The following PDE1C variants were observed in gnomAD, a reference collection of about 807,000 sequenced individuals.
PDE1C encodes dual specificity calcium/calmodulin-dependent 3',5'-cyclic nucleotide phosphodiesterase 1C.
In PDE1C, 62 loss-of-function variants were observed where a neutral mutation model predicts 93.1. The ratio of observed to expected loss-of-function variants is 0.67; its 90% confidence interval spans 0.54 to 0.82. The LOEUF is 0.82. Ranked by LOEUF, PDE1C falls within the 40% of genes least tolerant of loss-of-function variation. The probability of loss-of-function intolerance (pLI) is 0.00; values close to 1 mark genes in which losing one functional copy is unlikely to be tolerated. For missense variants in PDE1C, 742 were observed against 884.6 expected (o/e 0.84, Z 2.04); for synonymous variants, 325 against 310.1 (o/e 1.05, Z -0.50).
intron 16 of PDE1C, among the ~76,000 whole-genome samples, chr7:31,798,934 T>A (rs1445107805): frequency 6.6e-6 from 1 of 151,734 alleles, no homozygotes; most frequent in East Asian, 1.9e-4. Flanking sequence ...GGGCAGTTCT[T>A]TATTCTGGCA....
intron 1 of PDE1C, among the ~76,000 whole-genome samples, chr7:32,332,261 C>T (rs1347057609): frequency 1.3e-5 from 2 of 151,844 alleles, no homozygotes; most frequent in East Asian, 3.9e-4. Context: ...AATCAATTGC[C>T]AATAAACATA....
At chr7:32,389,725 C>G (rs1455659380) in intron 1 of PDE1C, among the ~76,000 whole-genome samples, 1 of 152,220 alleles carries the variant, frequency 6.6e-6, no homozygotes, top group African/African-American at 2.4e-5. Context: ...ATAATAGCAT[C>G]TGTTAAGTAA....
chr7:32,255,855 C>T (rs543076631), intron 1 of PDE1C, among the ~76,000 whole-genome samples: 16 of 152,258 alleles, frequency 1.1e-4, no homozygotes, highest in African/African-American at 3.6e-4. Flanking sequence ...GATACTTGTG[C>T]AGATACAGAA....
the PDE1C span, among the ~76,000 whole-genome samples, chr7:31,620,210 C>A: frequency 6.6e-6 from 1 of 152,148 alleles, no homozygotes; most frequent in Non-Finnish European, 1.5e-5. Context: ...CAGCAGTAAC[C>A]TCTTCAGACT....
intron 3 of PDE1C, among the ~76,000 whole-genome samples, chr7:32,158,022 T>C (rs1250208729): frequency 1.3e-5 from 2 of 149,140 alleles, no homozygotes; most frequent in South Asian, 2.2e-4. Flanking sequence ...TTTGAGTAGA[T>C]GAACTTAAAA....
intron 2 of PDE1C, among the ~76,000 whole-genome samples, chr7:31,889,804 T>C (rs1358274446): frequency 6.6e-6 from 1 of 152,238 alleles, no homozygotes; most frequent in Non-Finnish European, 1.5e-5. Flanking sequence ...GTTAAAGTTT[T>C]AATCCATTTT....
At chr7:32,368,382 C>G (rs1000404645) in intron 1 of PDE1C, among the ~76,000 whole-genome samples, 1 of 151,804 alleles carries the variant, frequency 6.6e-6, no homozygotes, top group African/African-American at 2.4e-5. Context: ...AAAAAGAAAT[C>G]GAGAAGACGA....
intron 2 of PDE1C, among the ~76,000 whole-genome samples, chr7:31,971,931 C>A (rs188206063): frequency 6.6e-6 from 1 of 152,340 alleles, no homozygotes; most frequent in Non-Finnish European, 1.5e-5. Context: ...CCCACTGTAA[C>A]TAGTCTTGGG....
rs143024287 is a variant in PDE1C at position 32,333,153 on chromosome 7, A to G, written c.310+94669T>C. 2.0e-5 allele frequency among the ~76,000 whole-genome samples: 3 copies of G among 152,372 alleles called. No homozygotes were observed. In the East Asian group the frequency reaches 5.8e-4, roughly 29 times the overall value. On this transcript the variant is annotated intron_variant, in intron 1 of 1. Coordinates refer to the PDE1C transcript ENST00000672256. ...GTCAAAGTAAACCAAGGTCATAGCC[A>G]GAGAGTCAGTGCCAAGCAAGTTAAA...
upstream of PDE1C, among the ~76,000 whole-genome samples, chr7:32,303,921 C>A (rs935885737): frequency 2.0e-5 from 3 of 152,106 alleles, no homozygotes; most frequent in African/African-American, 4.8e-5. Flanking sequence ...AAATTAAATT[C>A]TTGTTTTGCA....
At chr7:31,670,891 AC>A in the PDE1C span, among the ~76,000 whole-genome samples, 2 of 152,048 alleles carry the variant, frequency 1.3e-5, no homozygotes, top group African/African-American at 4.8e-5. Flanking sequence ...GAGGTCGGAG[AC>A]TATGGTTGAA....
chr7:31,970,561 T>C (rs536682966), intron 2 of PDE1C, among the ~76,000 whole-genome samples: 1 of 152,348 alleles, frequency 6.6e-6, no homozygotes, highest in African/African-American at 2.4e-5. Context: ...TAAGAATTTA[T>C]TGTAGTTTCA....
intron 3 of PDE1C, among the ~76,000 whole-genome samples, chr7:32,100,711 C>A (rs1407938427): frequency 6.6e-6 from 1 of 152,178 alleles, no homozygotes; most frequent in Non-Finnish European, 1.5e-5. Flanking sequence ...TGTACCTATA[C>A]ACACACATGT....
upstream of PDE1C, among the ~76,000 whole-genome samples, chr7:32,072,991 G>A (rs939980282): frequency 2.0e-5 from 3 of 152,154 alleles, no homozygotes; most frequent in East Asian, 1.9e-4. Context: ...AAAGAGAGAC[G>A]AATAATGCTG....
At chr7:32,092,676 G>C (rs1366974575) in intron 3 of PDE1C, among the ~76,000 whole-genome samples, 1 of 152,180 alleles carries the variant, frequency 6.6e-6, no homozygotes, top group African/African-American at 2.4e-5. Flanking sequence ...TTTTACAGAG[G>C]ATAAGTCTCC....
At chr7:31,652,857 C>A in the PDE1C span, 1 of 1,597,420 alleles carries the variant, frequency 6.3e-7, no homozygotes. Flanking sequence ...AACCTTCATA[C>A]AAAATATAAA....
intron 1 of PDE1C, among the ~76,000 whole-genome samples, chr7:32,359,272 A>C (rs1457568325): frequency 6.6e-6 from 1 of 152,088 alleles, no homozygotes; most frequent in Admixed American, 6.5e-5. Flanking sequence ...TGTATTCAGA[A>C]TTGAGCTCAG....
chr7:32,012,622 G>A (rs1787297475), intron 2 of PDE1C, among the ~76,000 whole-genome samples: 2 of 152,190 alleles, frequency 1.3e-5, no homozygotes, highest in Admixed American at 1.3e-4. Flanking sequence ...ATGGGGGAGA[G>A]GGAGGCATTA....
At chr7:31,906,169 C>T (rs544605236) in intron 2 of PDE1C, among the ~76,000 whole-genome samples, 1 of 152,288 alleles carries the variant, frequency 6.6e-6, no homozygotes, top group East Asian at 1.9e-4. Context: ...CATTATCTAA[C>T]GATAACCTTC....
Sources: allele counts gnomAD v4.1 joint callset (sites outside exome capture counted in the v4.1 genomes callset), GRCh38; gene constraint gnomAD v4.1.1; transcripts MANE v1.5; gene names NCBI Gene and HGNC (gene_info 2026-07-23, HGNC 2026-07-21).